Variants in HERC5 observed in about 807,000 individuals in gnomAD.
HERC5 encodes the protein HECT and RLD domain containing E3 ubiquitin protein ligase 5.
In HERC5, 99 loss-of-function variants were observed where a neutral mutation model predicts 119.6. The ratio of observed to expected loss-of-function variants is 0.83; its 90% CI spans 0.70 to 0.98. The LOEUF (loss-of-function observed/expected upper bound fraction) is 0.98, where lower values mean the gene tolerates loss of function less well. Among genes scored for constraint, HERC5 ranks in the 50% least tolerant of loss-of-function variants. The probability of loss-of-function intolerance (pLI) is 0.00; values close to 1 mark genes in which losing one functional copy is unlikely to be tolerated. For missense variants in HERC5, 1,267 were observed against 1,241.3 expected (o/e 1.02, Z -0.31); for synonymous variants, 478 against 445.9 (o/e 1.07, Z -0.91).
At chr4:88,489,423 T>C in intron 16 of HERC5, 87 bp downstream of exon 16, 1 of 1,215,930 alleles carries the variant, frequency 8.2e-7, no homozygotes. Flanking sequence ...AGAGAGGAAG[T>C]TATCTTCCTT....
chr4:88,485,112 A>C (rs1741411673), intron 13 of HERC5, among the ~76,000 whole-genome samples: 1 of 152,160 alleles, frequency 6.6e-6, no homozygotes, highest in African/African-American at 2.4e-5. Flanking sequence ...AATTTATTGA[A>C]GAGCTCTGGG....
At chr4:88,481,442 C>T (rs1471722605) in intron 13 of HERC5, among the ~76,000 whole-genome samples, 2 of 152,074 alleles carry the variant, frequency 1.3e-5, no homozygotes, top group South Asian at 2.1e-4. Context: ...AATATTTTAT[C>T]CCAGTTATAG....
Position 88,463,958 on chromosome 4 carries a change from A to G in HERC5, c.884A>G (p.Tyr295Cys), listed in dbSNP as rs1740547506. 3 of 1,613,790 alleles carry G rather than the reference A, an allele frequency of 1.9e-6. No homozygotes were observed. The highest frequency in any genetic ancestry group is 1.7e-5 in the Admixed American group (1 of 59,946). Residue 295 changes from tyrosine (Y) to cysteine (C), a missense_variant, in exon 6 of 23, where the codon TAT becomes TGT. By Grantham distance (194) the Tyr-to-Cys change is radical. Transcript: ENST00000264350. ...RPCLVAELVG[Y>C]RVTQIACGRW... The stretch of plus-strand genomic sequence containing the variant: ...TGTTTGGTGGCTGAGCTTGTTGGGT[A>G]TAGAGTGACTCAGATAGCATGTGGA...
In HERC5 at chr4:88,459,483, T is replaced by C; in HGVS notation, c.389+13T>C. The C allele has an allele frequency of 6.8e-7, 1 of 1,476,926 alleles. No homozygotes were observed. The highest frequency in any genetic ancestry group is 2.4e-5 in the Admixed American group (1 of 41,220). The allele number at this position is 1,476,926 out of a possible 1,614,324, so 91.5% of individuals were successfully genotyped here. On this transcript the variant is annotated intron_variant, in intron 2 of 22. Coordinates refer to ENST00000264350, the MANE Select transcript of HERC5 (RefSeq NM_016323.4). Reference sequence around the variant, plus strand: ...TGAAACATCTAAGGTAGGGAACTTTTTTCTTTTATTAAAAATTAATTTTAA... The same window carrying C: ...TGAAACATCTAAGGTAGGGAACTTTCTTCTTTTATTAAAAATTAATTTTAA...
Position 88,457,399 on chromosome 4 carries a change from C to T in HERC5, c.130C>T (p.Arg44Cys). 2.1e-6 allele frequency: 3 copies of T among 1,399,284 alleles called. No individual in the cohort carries two copies. The highest frequency in any genetic ancestry group is 1.6e-5 in the South Asian group (1 of 64,380). The allele number at this position is 1,399,284 out of a possible 1,614,324, so 86.7% of individuals were successfully genotyped here. ...WLFPSAAGLH[R>C]ALLRRVEVTR... ...CTTTCCCAGCGCCGCGGGCCTCCACCGCGCGCTGCTCCGGAGGGTGGAGGT... is the reference window on the plus strand; with the variant it reads ...CTTTCCCAGCGCCGCGGGCCTCCACTGCGCGCTGCTCCGGAGGGTGGAGGT... The change falls in exon 1 of 23, where the codon CGC (arginine) becomes TGC (cysteine). Residue 44 changes from arginine to cysteine, a missense_variant. Physicochemically the swap from Arg to Cys is radical, Grantham distance 180 (BLOSUM62 -3). Coordinates refer to ENST00000264350, the MANE Select transcript of HERC5 (RefSeq NM_016323.4).
intron 16 of HERC5, among the ~76,000 whole-genome samples, chr4:88,489,567 C>A (rs1411432648): frequency 6.6e-6 from 1 of 152,108 alleles, no homozygotes; most frequent in Non-Finnish European, 1.5e-5. Context: ...CTCCCCACAC[C>A]CTGCTCAGGT....
rs1427493062 is a variant in HERC5, at chr4:88,458,144, T to C, written c.265+610T>C. On this transcript the variant is annotated intron_variant, in intron 1 of 22. Transcript: ENST00000264350. ...TTATCTTTGCCTGGCTTTTAGAAAT[T>C]TGAGTTGTTAAATCTTTTTCTTATT... 6 of 890,658 alleles carry C rather than the reference T, an allele frequency of 6.7e-6. No individual in the cohort carries two copies. In the East Asian group the frequency reaches 7.1e-4, roughly 106 times the overall value. 55.2% of individuals were successfully genotyped at this position (890,658 alleles called of 1,614,324 possible).
intron 7 of HERC5, chr4:88,467,824 G>T: frequency 1.1e-6 from 1 of 897,108 alleles, no homozygotes; most frequent in Non-Finnish European, 1.3e-6. Flanking sequence ...CATTGTAGAA[G>T]CACCTTGGAG....
chr4:88,479,529 T>A, intron 13 of HERC5, 22 bp downstream of exon 13: 1 of 1,526,584 alleles, frequency 6.6e-7, no homozygotes, highest in Non-Finnish European at 8.8e-7. Context: ...TTTAGAAACC[T>A]CTGTGTTTTT....
intron 2 of HERC5, 151 bp from the exon 3 acceptor site, chr4:88,459,943 TA>T (rs1740358581): frequency 4.0e-6 from 2 of 494,390 alleles, no homozygotes; most frequent in South Asian, 6.7e-5. Context: ...ACATAGTATT[TA>T]AAAAATAATT....
rs1209720441 is a variant in HERC5, at chr4:88,463,731, G to C, written c.780+108G>C. 12 of 1,373,392 alleles carry C rather than the reference G, an allele frequency of 8.7e-6. No individual in the cohort carries two copies. In the Admixed American group the frequency reaches 1.7e-4, roughly 19 times the overall value. The allele number at this position is 1,373,392 out of a possible 1,614,324, so 85.1% of individuals were successfully genotyped here. A position where few individuals can be genotyped will look rare whatever the true frequency, so the allele number is the denominator to read the frequency against. On this transcript the variant is annotated intron_variant, in intron 5 of 22. Transcript: ENST00000264350. ...GTCATCACTTCCTGTATGTAGGACT[G>C]TCCTTCTGATATTTAGGAGCTTTAC...
At chr4:88,481,898 A>T (rs1344382112) in intron 13 of HERC5, among the ~76,000 whole-genome samples, 2 of 152,246 alleles carry the variant, frequency 1.3e-5, no homozygotes, top group African/African-American at 4.8e-5. Context: ...AAACCTATCT[A>T]ACAAACTGTT....
At chr4:88,489,018 C>T in intron 15 of HERC5, 148 bp from the exon 16 acceptor site, 1 of 572,016 alleles carries the variant, frequency 1.7e-6, no homozygotes, top group Non-Finnish European at 3.0e-6. Context: ...CTGATGTTAT[C>T]ATTTATCTTC....
chr4:88,489,379 G>T (rs1741561957), intron 16 of HERC5, 43 bp downstream of exon 16: 1 of 1,517,146 alleles, frequency 6.6e-7, no homozygotes, highest in African/African-American at 1.4e-5. Context: ...GCTGAGAAAA[G>T]AAAAACATAA....
At chr4:88,498,463 C>A (rs370727932) in intron 18 of HERC5, among the ~76,000 whole-genome samples, 4 of 152,284 alleles carry the variant, frequency 2.6e-5, no homozygotes, top group African/African-American at 9.6e-5. Context: ...ATGTTGCATG[C>A]CATTTTGAGT....
rs1560601111 is a variant in HERC5, at chr4:88,468,327, T to C, written c.1058-19T>C. The C allele has an allele frequency of 6.3e-7, 1 of 1,576,412 alleles. No individual in the cohort carries two copies. Among genetic ancestry groups the C allele is most frequent in the East Asian group, 2.2e-5 (1 of 44,458 alleles). ...CCAAATGACTTTCTAAAACTCTTAC[T>C]CTTTGTGCATCCTTTCAGAAAGCCA... On this transcript the variant is annotated intron_variant, in intron 7 of 22. Transcript: ENST00000264350.
rs1420990406 is a variant in HERC5 at position 88,457,419 on chromosome 4, G to C, written c.150G>C (p.Val50=). ...TCCACCGCGCGCTGCTCCGGAGGGT[G>C]GAGGTGACGCGCCAACTCTGCTGCT... is the stretch of plus-strand genomic sequence containing the variant. ...AGLHRALLRR[V]EVTRQLCCSP... The change falls in exon 1 of 23, where the codon GTG becomes GTC. Residue 50 remains valine (V), a synonymous_variant. Coordinates refer to ENST00000264350, the MANE Select transcript of HERC5 (RefSeq NM_016323.4). 2.2e-5 allele frequency: 30 copies of C among 1,375,060 alleles called. No individual in the cohort carries two copies. Among genetic ancestry groups the C allele is most frequent in the Non-Finnish European group, 2.6e-5 (28 of 1,067,672 alleles). The allele number at this position is 1,375,060 out of a possible 1,614,324, so 85.2% of individuals were successfully genotyped here.
chr4:88,459,644 T>C (rs558455112), intron 2 of HERC5, among the ~76,000 whole-genome samples, 174 bp downstream of exon 2: 2 of 152,306 alleles, frequency 1.3e-5, no homozygotes, highest in African/African-American at 4.8e-5. Flanking sequence ...TATCATGTGT[T>C]GTTTTGGCAT....
At chr4:88,486,286 T>C in intron 14 of HERC5, 58 bp downstream of exon 14, 3 of 1,004,872 alleles carry the variant, frequency 3.0e-6, no homozygotes, top group Non-Finnish European at 4.6e-6. Flanking sequence ...TACAGGCATT[T>C]CTTGTCCTCT....
Sources: allele counts gnomAD v4.1 joint callset (sites outside exome capture counted in the v4.1 genomes callset), GRCh38; gene constraint gnomAD v4.1.1; transcripts MANE v1.5; gene names NCBI Gene and HGNC (gene_info 2026-07-23, HGNC 2026-07-21).